The following ADGRB3 variants were observed in gnomAD, a reference collection of about 807,000 sequenced individuals.
The protein encoded by ADGRB3 is brain-specific angiogenesis inhibitor 3.
A neutral mutation model predicts 193.4 loss-of-function variants in ADGRB3; 37 were observed. That is an observed-to-expected ratio of 0.19 (90% CI 0.15 to 0.25). ADGRB3 has a LOEUF of 0.25. Among genes scored for constraint, ADGRB3 ranks in the 10% least tolerant of loss-of-function variants. The pLI is 1.00. For synonymous variants in ADGRB3, 690 were observed against 644.2 expected (o/e 1.07, Z -1.08); for missense variants, 1,637 against 1,852.9 (o/e 0.88, Z 2.14).
Position 68,666,377 on chromosome 6 carries a change from A to C in ADGRB3, c.757+26945A>C, listed in dbSNP as rs1768802212. On this transcript the variant is annotated intron_variant, in intron 3 of 31. Transcript: ENST00000370598. ...TCTCTATGTTCTCTTCCACCATTAA[A>C]GTTGTCTATTCATGTGACTGTTCCC... Among the ~76,000 whole-genome samples, 4 of 152,014 alleles carry C rather than the reference A, an allele frequency of 2.6e-5. No individual in the cohort carries two copies. The South Asian group carries it at 8.3e-4, about 31-fold the overall frequency.
intron 17 of ADGRB3, among the ~76,000 whole-genome samples, chr6:69,220,961 G>C (rs1765881498): frequency 6.6e-6 from 1 of 151,550 alleles, no homozygotes; most frequent in African/African-American, 2.4e-5. Context: ...TGGGTTGTAG[G>C]TTTCAGATTT....
chr6:69,367,085 G>A (rs1231418288), intron 29 of ADGRB3, among the ~76,000 whole-genome samples: 1 of 152,120 alleles, frequency 6.6e-6, no homozygotes, highest in Non-Finnish European at 1.5e-5. Flanking sequence ...TTTATTGTAA[G>A]AAATAAAATT....
At chr6:69,313,459 T>C (rs1411452799) in intron 20 of ADGRB3, among the ~76,000 whole-genome samples, 1 of 151,872 alleles carries the variant, frequency 6.6e-6, no homozygotes, top group African/African-American at 2.4e-5. Context: ...CATTATCCTC[T>C]TCTGCCTTCA....
chr6:68,952,234 A>G (rs1226716435), intron 6 of ADGRB3, among the ~76,000 whole-genome samples: 1 of 152,016 alleles, frequency 6.6e-6, no homozygotes, highest in Non-Finnish European at 1.5e-5. Context: ...CAAATCCATT[A>G]ATAATTTTTT....
At chr6:69,181,405 A>G (rs555983881) in intron 17 of ADGRB3, among the ~76,000 whole-genome samples, 1 of 152,294 alleles carries the variant, frequency 6.6e-6, no homozygotes, top group Admixed American at 6.5e-5. Flanking sequence ...GGTTGAATTC[A>G]TAACTCATTT....
chr6:68,915,031 C>G (rs1039863565), intron 3 of ADGRB3, among the ~76,000 whole-genome samples: 3 of 152,068 alleles, frequency 2.0e-5, no homozygotes, highest in Non-Finnish European at 2.9e-5. Flanking sequence ...ATAATTAACA[C>G]CATGAAGAGA....
At chr6:69,386,765 A>G (rs1770079859) in intron 31 of ADGRB3, among the ~76,000 whole-genome samples, 1 of 152,088 alleles carries the variant, frequency 6.6e-6, no homozygotes, top group African/African-American at 2.4e-5. Flanking sequence ...GTTCGTGGCC[A>G]AGCCCATCCC....
chr6:68,877,601 A>C (rs1765628199), intron 3 of ADGRB3, among the ~76,000 whole-genome samples: 1 of 152,106 alleles, frequency 6.6e-6, no homozygotes, highest in Non-Finnish European at 1.5e-5. Context: ...GCACATCTCC[A>C]ATTTTAATGG....
intron 3 of ADGRB3, among the ~76,000 whole-genome samples, chr6:68,884,086 T>C (rs1765827284): frequency 1.3e-5 from 2 of 152,234 alleles, no homozygotes; most frequent in Admixed American, 6.5e-5. Context: ...GCTCCTTCTC[T>C]CTCTTGCGAA....
At chr6:68,649,487 C>CA (rs1156713155) in intron 3 of ADGRB3, among the ~76,000 whole-genome samples, 5 of 151,986 alleles carry the variant, frequency 3.3e-5, no homozygotes, top group African/African-American at 1.2e-4. Flanking sequence ...CTAGTGTCTA[C>CA]AAATTAAAGC....
chr6:69,110,273 G>A (rs1045061862), intron 17 of ADGRB3, among the ~76,000 whole-genome samples: 6 of 151,928 alleles, frequency 3.9e-5, no homozygotes, highest in African/African-American at 1.2e-4. Flanking sequence ...TATTTTTGAG[G>A]TTGTAGTTTT....
chr6:68,851,987 C>A (rs1479086463), intron 3 of ADGRB3, among the ~76,000 whole-genome samples: 1 of 151,640 alleles, frequency 6.6e-6, no homozygotes, highest in Non-Finnish European at 1.5e-5. Context: ...ATGAGAAAGA[C>A]ACAAAAAAAG....
chr6:68,892,070 T>C (rs571464090), intron 3 of ADGRB3, among the ~76,000 whole-genome samples: 1 of 152,220 alleles, frequency 6.6e-6, no homozygotes, highest in Non-Finnish European at 1.5e-5. Flanking sequence ...TTTTAGTTAG[T>C]TTAAATTTAA....
At chr6:69,129,829 T>C (rs984888650) in intron 17 of ADGRB3, among the ~76,000 whole-genome samples, 1 of 152,168 alleles carries the variant, frequency 6.6e-6, no homozygotes, top group African/African-American at 2.4e-5. Flanking sequence ...TTGTGTTGTA[T>C]GAATTCTTTT....
chr6:69,165,157 G>T (rs906026778), intron 17 of ADGRB3, among the ~76,000 whole-genome samples: 1 of 151,898 alleles, frequency 6.6e-6, no homozygotes. Context: ...AACAAACAGT[G>T]GTTTTTCATT....
At chr6:69,337,300 C>T (rs1454370356) in intron 24 of ADGRB3, among the ~76,000 whole-genome samples, 4 of 152,080 alleles carry the variant, frequency 2.6e-5, no homozygotes, top group Non-Finnish European at 5.9e-5. Flanking sequence ...CTAATCCATG[C>T]CTTTTTCATA....
intron 10 of ADGRB3, among the ~76,000 whole-genome samples, chr6:68,987,252 A>G (rs1769106730): frequency 6.6e-6 from 1 of 152,150 alleles, no homozygotes; most frequent in African/African-American, 2.4e-5. Context: ...ATGCTACCCA[A>G]AGGAAATGGA....
chr6:69,297,340 A>C (rs887724502), intron 20 of ADGRB3, among the ~76,000 whole-genome samples: 37 of 111,938 alleles, frequency 3.3e-4, no homozygotes, highest in East Asian at 2.1e-3. Flanking sequence ...TTCTACTGAT[A>C]TCTCTCTCTC....
chr6:68,997,082 A>G (rs1401987940), intron 11 of ADGRB3, among the ~76,000 whole-genome samples: 2 of 152,186 alleles, frequency 1.3e-5, no homozygotes, highest in Admixed American at 6.5e-5. Flanking sequence ...GTTGTACTCA[A>G]TTAAAAACTT....
Sources: gnomAD v4.1 joint callset for allele counts (sites outside exome capture counted in the v4.1 genomes callset) on GRCh38, gnomAD v4.1.1 for gene constraint, MANE v1.5 for transcripts, NCBI Gene and HGNC (gene_info 2026-07-23, HGNC 2026-07-21) for gene names.